Variants in CAMK4 observed in about 807,000 individuals in gnomAD.
CAMK4 encodes calcium/calmodulin-dependent protein kinase type IV.
Under a neutral mutation model 44.9 loss-of-function variants are expected in CAMK4, and 22 were observed. The ratio of observed to expected loss-of-function variants is 0.49; its 90% CI spans 0.35 to 0.70. The LOEUF (loss-of-function observed/expected upper bound fraction) is 0.70, where lower values mean the gene tolerates loss of function less well. CAMK4 is among the 30% of genes least tolerant of loss of function. The probability of loss-of-function intolerance (pLI) is 0.01; values close to 1 mark genes in which losing one functional copy is unlikely to be tolerated. For missense variants in CAMK4, 498 were observed against 586.8 expected (o/e 0.85, Z 1.56); for synonymous variants, 218 against 215.4 (o/e 1.01, Z -0.11).
At chr5:111,432,717 A>G (rs1351537502) in intron 5 of CAMK4, among the ~76,000 whole-genome samples, 1 of 149,770 alleles carries the variant, frequency 6.7e-6, no homozygotes, top group East Asian at 1.9e-4. Flanking sequence ...ATTAAGCACA[A>G]ATATGTGCTA....
intron 1 of CAMK4, among the ~76,000 whole-genome samples, chr5:111,280,107 A>G (rs1300556735): frequency 6.6e-6 from 1 of 152,196 alleles, no homozygotes; most frequent in Non-Finnish European, 1.5e-5. Context: ...AAGAACGTGA[A>G]TATCTTCTAA....
chr5:111,243,426 T>C (rs1415763061), intron 1 of CAMK4, among the ~76,000 whole-genome samples: 3 of 152,168 alleles, frequency 2.0e-5, no homozygotes, highest in East Asian at 3.9e-4. Flanking sequence ...AAGGTTCTTA[T>C]GAAAACTGTA....
intron 8 of CAMK4, among the ~76,000 whole-genome samples, chr5:111,474,403 C>G (rs1580802101): frequency 6.6e-6 from 1 of 152,294 alleles, no homozygotes; most frequent in African/African-American, 2.4e-5. Context: ...CGCCCTCTCA[C>G]GGTGTCCTCA....
intron 7 of CAMK4, among the ~76,000 whole-genome samples, chr5:111,459,884 A>G (rs1754579382): frequency 6.6e-6 from 1 of 151,716 alleles, no homozygotes; most frequent in African/African-American, 2.4e-5. Flanking sequence ...GTAATCCTTA[A>G]CTTCTGGGTC....
chr5:111,295,217 G>A (rs974225503), intron 1 of CAMK4, among the ~76,000 whole-genome samples: 1 of 152,178 alleles, frequency 6.6e-6, no homozygotes, highest in Admixed American at 6.6e-5. Context: ...CAGCATATCT[G>A]CAGAGGAATA....
At chr5:111,248,316 C>T (rs529981720) in intron 1 of CAMK4, among the ~76,000 whole-genome samples, 45 of 150,458 alleles carry the variant, frequency 3.0e-4, no homozygotes, top group Non-Finnish European at 5.3e-4. Context: ...ATCACTTTCT[C>T]TTGGCAGAAA....
At chr5:111,404,489 T>G (rs1219969290) in intron 5 of CAMK4, among the ~76,000 whole-genome samples, 1 of 152,180 alleles carries the variant, frequency 6.6e-6, no homozygotes, top group Non-Finnish European at 1.5e-5. Flanking sequence ...GGTCAATGCT[T>G]GTTTAGCTGC....
In CAMK4 at chr5:111,344,623, T is replaced by G. The variant is rs1163118870; in HGVS notation, c.240+521T>G. ...TTCAGTAGAGTATAATTGAATTTTA[T>G]TGAGTTAATTTTTCTGGGACTGAAC... On this transcript the variant is annotated intron_variant, in intron 2 of 10. Coordinates refer to ENST00000282356, the MANE Select transcript of CAMK4 (RefSeq NM_001744.6). Among the ~76,000 whole-genome samples, 5 of 151,914 alleles carry G rather than the reference T, an allele frequency of 3.3e-5. No homozygotes were observed. In the East Asian group the frequency reaches 9.8e-4, roughly 30 times the overall value.
At chr5:111,431,935 C>G (rs897778805) in intron 5 of CAMK4, among the ~76,000 whole-genome samples, 2 of 151,694 alleles carry the variant, frequency 1.3e-5, no homozygotes, top group African/African-American at 4.8e-5. Context: ...GTACAATCAC[C>G]ATAAAGAACA....
At chr5:111,345,432 A>G (rs441297) in intron 2 of CAMK4, among the ~76,000 whole-genome samples, 59,305 of 151,720 alleles carry the variant, frequency 0.39, 11,949 homozygotes, top group Non-Finnish European at 0.44. Flanking sequence ...TGAAGTAAGG[A>G]TTATTAAAAC....
chr5:111,321,965 T>G (rs1039270785), intron 1 of CAMK4, among the ~76,000 whole-genome samples: 1 of 152,074 alleles, frequency 6.6e-6, no homozygotes, highest in Admixed American at 6.6e-5. Flanking sequence ...CAATCATGAC[T>G]GAATCAAATT....
chr5:111,315,926 C>T (rs1432566335), intron 1 of CAMK4, among the ~76,000 whole-genome samples: 1 of 152,072 alleles, frequency 6.6e-6, no homozygotes, highest in African/African-American at 2.4e-5. Flanking sequence ...ATTGAAGTTA[C>T]AGAGGGCACA....
intron 8 of CAMK4, among the ~76,000 whole-genome samples, chr5:111,477,329 C>T (rs1311662917): frequency 6.6e-6 from 1 of 152,228 alleles, no homozygotes; most frequent in African/African-American, 2.4e-5. Flanking sequence ...GAAACTGCTT[C>T]TTTCTAAAAA....
chr5:111,224,849 T>C lies in CAMK4; in HGVS notation c.161+205T>C, dbSNP rs1017579337. ...ACCAGAGCGCCTAGGCCGGTGCAGC[T>C]GTAGGATCAGCCCGACTCCCTCCCA... On this transcript the variant is annotated intron_variant, in intron 1 of 10. Coordinates refer to ENST00000282356, the MANE Select transcript of CAMK4 (RefSeq NM_001744.6). The surrounding 1 kb of genome is among the most constrained non-coding windows in gnomAD (Gnocchi z 5.7). 2.6e-5 allele frequency among the ~76,000 whole-genome samples: 4 copies of C among 152,066 alleles called. No individual in the cohort carries two copies. The highest frequency in any genetic ancestry group is 4.4e-5 in the Non-Finnish European group (3 of 67,978).
chr5:111,275,342 A>T (rs1750712270), intron 1 of CAMK4, among the ~76,000 whole-genome samples: 2 of 151,402 alleles, frequency 1.3e-5, no homozygotes, highest in Non-Finnish European at 1.5e-5. Flanking sequence ...TTTTTTTTTG[A>T]CACTTCTCCT....
chr5:111,224,503 C>T lies in CAMK4; in HGVS notation c.20C>T (p.Pro7Leu). Residue 7 changes from proline (P) to leucine (L), a missense_variant, in exon 1 of 11, where the codon CCC becomes CTC. Pro to Leu is a moderately conservative substitution (Grantham distance 98, BLOSUM62 -3). Around this residue, in one of 3 missense-constraint regions of CAMK4, gnomAD observed 152 missense variants for 143.7 expected, o/e 1.06. Coordinates refer to ENST00000282356, the MANE Select transcript of CAMK4 (RefSeq NM_001744.6). This position sits in a 1 kb window ranked among gnomAD's most constrained non-coding sequence, Gnocchi z 5.7. The stretch of plus-strand genomic sequence containing the variant: ...GCGAAGATGCTCAAAGTCACGGTGC[C>T]CTCCTGCTCCGCCTCGTCCTGCTCT... MLKVTVPSCSASSCSSV... is the reference protein window; with the variant it reads MLKVTVLSCSASSCSSV... 1 of 1,607,874 alleles carries T rather than the reference C, an allele frequency of 6.2e-7. No individual in the cohort carries two copies. Among genetic ancestry groups the T allele is most frequent in the South Asian group, 1.1e-5 (1 of 90,506 alleles).
intron 1 of CAMK4, among the ~76,000 whole-genome samples, chr5:111,272,511 TTACA>T (rs1362572788): frequency 1.3e-5 from 2 of 152,160 alleles, no homozygotes; most frequent in African/African-American, 4.8e-5. Flanking sequence ...AAACTACAGC[TTACA>T]TACATTCACA....
At chr5:111,426,047 C>A (rs899044164) in intron 5 of CAMK4, among the ~76,000 whole-genome samples, 2 of 151,864 alleles carry the variant, frequency 1.3e-5, no homozygotes, top group Admixed American at 1.3e-4. Context: ...ATCTTATATT[C>A]ATGTGTAAAG....
chr5:111,239,739 C>T (rs1561355221), intron 1 of CAMK4, among the ~76,000 whole-genome samples: 1 of 152,104 alleles, frequency 6.6e-6, no homozygotes, highest in African/African-American at 2.4e-5. Flanking sequence ...TAGATATTAT[C>T]GATATTAATT....
Sources: gnomAD v4.1 joint callset for allele counts (sites outside exome capture counted in the v4.1 genomes callset) on GRCh38, gnomAD v4.1.1 for gene constraint, gnomAD v4.1.1 regional missense constraint, Gnocchi (gnomAD v3.1) non-coding constraint, MANE v1.5 for transcripts, NCBI Gene and HGNC (gene_info 2026-07-23, HGNC 2026-07-21) for gene names.